The following CEP112 variants were observed in gnomAD, a reference collection of about 807,000 sequenced individuals.
CEP112 encodes centrosomal protein 112.
Under a neutral mutation model 153.0 loss-of-function variants are expected in CEP112, and 127 were observed. The observed-to-expected ratio is 0.83, with a 90% confidence interval of 0.72 to 0.96. The LOEUF is 0.96. Ranked by LOEUF, CEP112 falls within the 40% of genes least tolerant of loss-of-function variation. The pLI, the probability that CEP112 is intolerant of heterozygous loss-of-function variation, is 0.00. For missense variants in CEP112, 1,089 were observed against 1,101.2 expected, an observed-to-expected ratio of 0.99 and a Z score of 0.16; for synonymous variants, 358 against 374.4, an observed-to-expected ratio of 0.96 and a Z score of 0.51.
rs534989222 is a variant in CEP112 at position 66,079,892 on chromosome 17, A to C, written c.769-9891T>G. 2.1e-4 allele frequency among the ~76,000 whole-genome samples: 32 copies of C among 152,286 alleles called. 1 individual carries two copies. Reference sequence around the variant, plus strand: ...CATCTGATCTTTGACAAACCCGAAAAAAACAAACAATGGGGAAAGGATTCC... The same window carrying C: ...CATCTGATCTTTGACAAACCCGAAACAAACAAACAATGGGGAAAGGATTCC... On this transcript the variant is annotated intron_variant, in intron 8 of 26. Coordinates refer to ENST00000535342, the MANE Select transcript of CEP112 (RefSeq NM_001199165.4).
chr17:65,978,039 C>T (rs1000269223), intron 17 of CEP112, among the ~76,000 whole-genome samples: 1 of 152,170 alleles, frequency 6.6e-6, no homozygotes, highest in Non-Finnish European at 1.5e-5. Flanking sequence ...ACTGCCATCA[C>T]ACTCCAGCCT....
chr17:65,935,033 T>G (rs1484682791), intron 18 of CEP112, among the ~76,000 whole-genome samples: 1 of 152,160 alleles, frequency 6.6e-6, no homozygotes, highest in African/African-American at 2.4e-5. Context: ...GGAAACCACC[T>G]CCATGATCCA....
intron 12 of CEP112, among the ~76,000 whole-genome samples, chr17:66,049,287 C>A (rs1167827701): frequency 5.9e-5 from 9 of 151,922 alleles, no homozygotes; most frequent in Non-Finnish European, 8.8e-5. Flanking sequence ...TATCTAGATA[C>A]CTCAAAAAAA....
At chr17:66,177,093 T>C (rs2072512323) in intron 2 of CEP112, 73 bp from the exon 3 acceptor site, 2 of 1,185,434 alleles carry the variant, frequency 1.7e-6, no homozygotes, top group South Asian at 1.6e-5. Flanking sequence ...AGACCTATAA[T>C]AGCACCTGCT....
intron 12 of CEP112, among the ~76,000 whole-genome samples, chr17:66,052,648 G>A (rs757940746): frequency 6.6e-6 from 1 of 152,210 alleles, no homozygotes. Flanking sequence ...GCTTACCCAT[G>A]TGATGTCTAT....
intron 13 of CEP112, 26 bp downstream of exon 13, chr17:66,029,843 G>A (rs375198018): frequency 1.3e-6 from 2 of 1,598,928 alleles, no homozygotes; most frequent in East Asian, 4.5e-5. Context: ...AGCTACACCT[G>A]ATAAATATCT....
Position 65,635,809 on chromosome 17 carries a change from C to G in CEP112, c.*162G>C. 1 of 678,416 alleles carries G rather than the reference C, an allele frequency of 1.5e-6. No individual in the cohort carries two copies. The highest frequency in any genetic ancestry group is 2.5e-6 in the Non-Finnish European group (1 of 404,798). The allele number at this position is 678,416 out of a possible 1,614,324, so 42.0% of individuals were successfully genotyped here. A position where few individuals can be genotyped will look rare whatever the true frequency, so the allele number is the denominator to read the frequency against. ...TTAGGCAGACACAAATAAAACCACCCCACTAGTGTATGAATGATGCATGTT... is the reference window on the plus strand; with the variant it reads ...TTAGGCAGACACAAATAAAACCACCGCACTAGTGTATGAATGATGCATGTT... On this transcript the variant is annotated 3_prime_UTR_variant, in exon 27 of 27. Transcript: ENST00000535342.
At chr17:66,067,650 T>C (rs754306545) in intron 9 of CEP112, among the ~76,000 whole-genome samples, 5 of 152,206 alleles carry the variant, frequency 3.3e-5, no homozygotes, top group East Asian at 1.9e-4. Flanking sequence ...AATTATATTA[T>C]AGTGCATTAA....
chr17:65,658,290 A>G (rs2046163324), intron 24 of CEP112, among the ~76,000 whole-genome samples: 1 of 152,196 alleles, frequency 6.6e-6, no homozygotes, highest in African/African-American at 2.4e-5. Flanking sequence ...ATCTCAGGAG[A>G]GGAGATTCTG....
chr17:66,021,815 G>A (rs1312570124), intron 16 of CEP112, among the ~76,000 whole-genome samples: 1 of 152,106 alleles, frequency 6.6e-6, no homozygotes, highest in African/African-American at 2.4e-5. Flanking sequence ...CTGAGCACAG[G>A]ACCCAGTCCA....
At chr17:65,987,618 T>C (rs2063455525) in intron 17 of CEP112, among the ~76,000 whole-genome samples, 1 of 152,070 alleles carries the variant, frequency 6.6e-6, no homozygotes, top group Non-Finnish European at 1.5e-5. Flanking sequence ...CTGGCTTCAC[T>C]CTCCCACACA....
At chr17:66,095,325 T>C (rs917216721) in intron 8 of CEP112, among the ~76,000 whole-genome samples, 2 of 152,014 alleles carry the variant, frequency 1.3e-5, no homozygotes, top group African/African-American at 4.8e-5. Context: ...CACAATGAAA[T>C]GTTATTCAGT....
intron 10 of CEP112, among the ~76,000 whole-genome samples, chr17:66,064,390 T>C (rs1437272772): frequency 6.6e-6 from 1 of 152,222 alleles, no homozygotes; most frequent in Non-Finnish European, 1.5e-5. Context: ...CATTTCTCTA[T>C]CTTCTTTACT....
intron 17 of CEP112, among the ~76,000 whole-genome samples, chr17:65,986,191 C>T (rs566221756): frequency 3.4e-4 from 52 of 152,050 alleles, no homozygotes; most frequent in Non-Finnish European, 5.9e-4. Context: ...AATAAAACAT[C>T]GCAAGAACAG....
chr17:66,052,378 A>G (rs2066479556), intron 12 of CEP112, among the ~76,000 whole-genome samples: 1 of 152,202 alleles, frequency 6.6e-6, no homozygotes, highest in South Asian at 2.1e-4. Flanking sequence ...GGACATGAGG[A>G]GCTCTGAGCC....
chr17:66,062,975 G>C lies in CEP112; in HGVS notation c.1062C>G (p.Asp354Glu). ...CEQSTESLNN[D>E]WEKKLHNAVA... Reference sequence around the variant, plus strand: ...TTATGTAGCTTACCTTTTTTTCCCAGTCATTATTTAGAGATTCCGTACTTT... The same window carrying C: ...TTATGTAGCTTACCTTTTTTTCCCACTCATTATTTAGAGATTCCGTACTTT... Residue 354 changes from aspartate (D) to glutamate (E), a missense_variant, in exon 11 of 27, where the codon GAC (aspartate) becomes GAG (glutamate). Physicochemically the swap from Asp to Glu is conservative, Grantham distance 45 (BLOSUM62 2). Coordinates refer to ENST00000535342, the MANE Select transcript of CEP112 (RefSeq NM_001199165.4). 1.3e-6 allele frequency: 2 copies of C among 1,550,548 alleles called. No individual in the cohort carries two copies. Among genetic ancestry groups the C allele is most frequent in the South Asian group, 2.5e-5 (2 of 80,880 alleles).
chr17:65,873,556 G>C (rs1401292540), intron 20 of CEP112: 2 of 152,024 alleles, frequency 1.3e-5, no homozygotes, highest in Non-Finnish European at 2.9e-5. Flanking sequence ...GCAGTACTGA[G>C]ATTACTAGAT....
chr17:65,856,563 A>G (rs1475958798), intron 20 of CEP112, among the ~76,000 whole-genome samples: 3 of 152,228 alleles, frequency 2.0e-5, no homozygotes, highest in Non-Finnish European at 4.4e-5. Context: ...TCCAAAAGCC[A>G]TAAGTCCATA....
intron 24 of CEP112, among the ~76,000 whole-genome samples, chr17:65,654,379 T>C (rs563971690): frequency 2.6e-5 from 4 of 152,244 alleles, no homozygotes; most frequent in African/African-American, 4.8e-5. Context: ...CTTTCTTTAT[T>C]CTAACTGGCG....
Sources: gnomAD v4.1 joint callset for allele counts (sites outside exome capture counted in the v4.1 genomes callset) on GRCh38, gnomAD v4.1.1 for gene constraint, MANE v1.5 for transcripts, NCBI Gene and HGNC (gene_info 2026-07-23, HGNC 2026-07-21) for gene names.